The following SPOCK3 variants were observed in gnomAD, a reference collection of about 807,000 sequenced individuals.
SPOCK3 encodes the protein testican-3.
In SPOCK3, 30 loss-of-function variants were observed where a neutral mutation model predicts 56.6. The ratio of observed to expected loss-of-function variants is 0.53; its 90% CI spans 0.40 to 0.72. SPOCK3 has a LOEUF of 0.72. SPOCK3 is among the 30% of genes least tolerant of loss of function. The pLI, the probability that SPOCK3 is intolerant of heterozygous loss-of-function variation, is 0.00. For missense variants in SPOCK3, 527 were observed against 530.0 expected (o/e 0.99, Z 0.06); for synonymous variants, 196 against 183.3 (o/e 1.07, Z -0.56).
chr4:166,737,197 C>T (rs750759769), intron 10 of SPOCK3, among the ~76,000 whole-genome samples: 1 of 152,152 alleles, frequency 6.6e-6, no homozygotes, highest in Middle Eastern at 3.4e-3. Flanking sequence ...AAAAGAAGTA[C>T]CTCAACAACT....
chr4:167,002,735 C>T (rs771913970), intron 3 of SPOCK3, among the ~76,000 whole-genome samples: 36 of 152,192 alleles, frequency 2.4e-4, no homozygotes, highest in Non-Finnish European at 4.7e-4. Flanking sequence ...CGAAATACTG[C>T]ACTACAAAAG....
chr4:166,800,725 G>C (rs1742494457), intron 6 of SPOCK3, among the ~76,000 whole-genome samples: 1 of 152,082 alleles, frequency 6.6e-6, no homozygotes, highest in Non-Finnish European at 1.5e-5. Flanking sequence ...AAAATTAAAA[G>C]TTTATAAAGT....
chr4:167,202,022 G>A (rs1421306772), intron 2 of SPOCK3, among the ~76,000 whole-genome samples: 1 of 151,800 alleles, frequency 6.6e-6, no homozygotes, highest in Admixed American at 6.6e-5. Flanking sequence ...TTGATTGTTT[G>A]GTCAACTGAA....
At chr4:167,209,137 G>A (rs1427635334) in intron 2 of SPOCK3, among the ~76,000 whole-genome samples, 1 of 152,104 alleles carries the variant, frequency 6.6e-6, no homozygotes, top group Non-Finnish European at 1.5e-5. Flanking sequence ...TAAGCCAAGA[G>A]AAAGGTAAAA....
intron 3 of SPOCK3, among the ~76,000 whole-genome samples, chr4:167,031,600 C>T (rs1187930594): frequency 3.9e-5 from 6 of 151,906 alleles, no homozygotes; most frequent in Admixed American, 6.6e-5. Flanking sequence ...GATGTCTGCT[C>T]GCCTACAGTG....
intron 2 of SPOCK3, among the ~76,000 whole-genome samples, chr4:167,123,495 G>A (rs945634637): frequency 9.4e-5 from 14 of 148,688 alleles, no homozygotes; most frequent in Admixed American, 2.7e-4. Flanking sequence ...GATCTGCAGC[G>A]ATTCAGATAA....
At chr4:167,204,540 G>T (rs895790082) in intron 2 of SPOCK3, among the ~76,000 whole-genome samples, 4 of 151,938 alleles carry the variant, frequency 2.6e-5, no homozygotes, top group Admixed American at 6.6e-5. Flanking sequence ...TGAGAACACC[G>T]TGGGGGGACC....
chr4:167,038,130 C>T (rs1752925069), intron 3 of SPOCK3, among the ~76,000 whole-genome samples: 2 of 152,098 alleles, frequency 1.3e-5, no homozygotes, highest in Non-Finnish European at 2.9e-5. Context: ...TCCTATAATA[C>T]AGCATGATGT....
chr4:167,079,879 T>C (rs1305161075), intron 2 of SPOCK3, among the ~76,000 whole-genome samples: 1 of 151,976 alleles, frequency 6.6e-6, no homozygotes, highest in Non-Finnish European at 1.5e-5. Flanking sequence ...AATGTGGGTA[T>C]TAAATTAGAT....
At chr4:166,838,954 T>G (rs1440554844) in intron 6 of SPOCK3, among the ~76,000 whole-genome samples, 1 of 150,554 alleles carries the variant, frequency 6.6e-6, no homozygotes, top group East Asian at 2.0e-4. Flanking sequence ...AAAGCAAGAC[T>G]CCATCTTAAA....
Position 166,961,991 on chromosome 4 carries a change from A to G in SPOCK3, c.350+38358T>C, listed in dbSNP as rs574425599. ...GAAAGAATTAGTCCTTGTCTTTTCT[A>G]GCTCCCATAGGCTGCCTCCATTCCT... is the stretch of plus-strand genomic sequence containing the variant. On this transcript the variant is annotated intron_variant, in intron 4 of 10. Transcript: ENST00000357545. Among the ~76,000 whole-genome samples, 4 of 152,090 alleles carry G rather than the reference A, an allele frequency of 2.6e-5. No homozygotes were observed. The South Asian group carries it at 8.3e-4, about 32-fold the overall frequency.
intron 4 of SPOCK3, among the ~76,000 whole-genome samples, chr4:166,915,326 A>T (rs77369224): frequency 0.018 from 2,758 of 149,586 alleles, 75 homozygotes; most frequent in East Asian, 0.06. Context: ...TAAAATAATT[A>T]AAAAAAAATG....
intron 6 of SPOCK3, among the ~76,000 whole-genome samples, chr4:166,834,839 A>C (rs1339655280): frequency 6.6e-6 from 1 of 151,806 alleles, no homozygotes; most frequent in African/African-American, 2.4e-5. Context: ...CTCTCTTTTA[A>C]TTAGAAAAAT....
chr4:167,093,454 CCT>C (rs746172132), intron 2 of SPOCK3, among the ~76,000 whole-genome samples: 3 of 152,078 alleles, frequency 2.0e-5, no homozygotes, highest in Non-Finnish European at 2.9e-5. Flanking sequence ...CCCCCCATCC[CCT>C]GACAGGCCCC....
At chr4:167,219,595 C>T (rs1209054661) in intron 2 of SPOCK3, among the ~76,000 whole-genome samples, 2 of 152,082 alleles carry the variant, frequency 1.3e-5, no homozygotes, top group East Asian at 3.9e-4. Flanking sequence ...TGAGCTTTTA[C>T]TTATGCTAAG....
intron 4 of SPOCK3, among the ~76,000 whole-genome samples, chr4:166,977,502 T>C (rs1746090272): frequency 6.6e-6 from 1 of 152,130 alleles, no homozygotes; most frequent in South Asian, 2.1e-4. Flanking sequence ...ATTGTATCTT[T>C]TCCTTGCCAA....
chr4:166,816,198 T>C (rs775729822), intron 6 of SPOCK3, among the ~76,000 whole-genome samples: 6 of 152,100 alleles, frequency 3.9e-5, no homozygotes, highest in Admixed American at 6.6e-5. Flanking sequence ...CATTTTTATA[T>C]AAAGAGCCCC....
intron 2 of SPOCK3, among the ~76,000 whole-genome samples, chr4:167,109,362 T>A (rs1299291336): frequency 5.2e-5 from 2 of 38,708 alleles, no homozygotes; most frequent in African/African-American, 1.6e-4. Context: ...AAATATATAT[T>A]TATATATATA....
chr4:167,028,263 G>A (rs551763185), intron 3 of SPOCK3, among the ~76,000 whole-genome samples: 3 of 150,806 alleles, frequency 2.0e-5, no homozygotes, highest in East Asian at 3.9e-4. Flanking sequence ...TACATGCATT[G>A]CTACTTGGGA....
Sources: allele counts gnomAD v4.1 joint callset (sites outside exome capture counted in the v4.1 genomes callset), GRCh38; gene constraint gnomAD v4.1.1; transcripts MANE v1.5; gene names NCBI Gene and HGNC (gene_info 2026-07-23, HGNC 2026-07-21).